Variants in MCUB observed in about 807,000 individuals in gnomAD.
MCUB encodes the protein calcium uniporter regulatory subunit MCUb, mitochondrial.
In MCUB, 46 loss-of-function variants were observed where a neutral mutation model predicts 41.4. The observed-to-expected ratio is 1.11, with a 90% CI of 0.88 to 1.42. MCUB has a LOEUF of 1.42. Ranked by LOEUF, MCUB falls within the 40% of genes most tolerant of loss-of-function variation. The probability of loss-of-function intolerance (pLI) is 0.00; values close to 1 mark genes in which losing one functional copy is unlikely to be tolerated. For synonymous variants in MCUB, 148 were observed against 148.2 expected (o/e 1.00, Z 0.01); for missense variants, 403 against 404.9 (o/e 1.00, Z 0.04).
In MCUB at chr4:109,603,305, C is replaced by T. The variant is rs187323318; in HGVS notation, c.99+42869C>T. On this transcript the variant is annotated intron_variant, in intron 1 of 7. Coordinates refer to ENST00000394650, the MANE Select transcript of MCUB (RefSeq NM_017918.5). Reference sequence around the variant, plus strand: ...GGAGATGGGGTTTCGCTGTGTTGGCCGGGCTGGTCTCCGGCTCCTGACCTT... The same window carrying T: ...GGAGATGGGGTTTCGCTGTGTTGGCTGGGCTGGTCTCCGGCTCCTGACCTT... Among the ~76,000 whole-genome samples, 879 of 152,306 alleles carry T rather than the reference C, an allele frequency of 5.8e-3. 10 individuals are homozygous for T. Among genetic ancestry groups the T allele is most frequent in the African/African-American group, 0.02 (837 of 41,570 alleles).
chr4:109,639,488 G>A (rs1728669158), intron 1 of MCUB, among the ~76,000 whole-genome samples: 1 of 152,172 alleles, frequency 6.6e-6, no homozygotes, highest in East Asian at 1.9e-4. Flanking sequence ...AGGAGTCTGA[G>A]ACTAGCCTGG....
chr4:109,657,619 T>C (rs1729134450), intron 1 of MCUB, among the ~76,000 whole-genome samples: 1 of 152,262 alleles, frequency 6.6e-6, no homozygotes, highest in Admixed American at 6.5e-5. Flanking sequence ...ACTTTGGTAC[T>C]AATTTCTCTG....
chr4:109,606,868 T>C (rs1727883942), intron 1 of MCUB, among the ~76,000 whole-genome samples: 3 of 151,928 alleles, frequency 2.0e-5, no homozygotes, highest in African/African-American at 7.3e-5. Context: ...TGCCTCAGCC[T>C]CCTGAGTAGC....
At chr4:109,650,589 C>T (rs1167943832) in intron 1 of MCUB, among the ~76,000 whole-genome samples, 2 of 152,150 alleles carry the variant, frequency 1.3e-5, no homozygotes, top group African/African-American at 4.8e-5. Context: ...TGTTTCTGAA[C>T]TATTTGAGAA....
rs528351941 is a variant in MCUB at position 109,681,324 on chromosome 4, A to G, written c.452-1258A>G. On this transcript the variant is annotated intron_variant, in intron 4 of 7. Coordinates refer to ENST00000394650, the MANE Select transcript of MCUB (RefSeq NM_017918.5). ...TTGTGGAAAAGCAAATAAGTTGGTT[A>G]AAGGTAGTCAAAAGCTACTAAAGTT... 1.7e-4 allele frequency: 51 copies of G among 300,908 alleles called. 1 individual carries two copies. Among genetic ancestry groups the G allele is most frequent in the South Asian group, 1.3e-3 (50 of 38,300 alleles). The allele number at this position is 300,908 out of a possible 1,614,324, so 18.6% of individuals were successfully genotyped here. A position where few individuals can be genotyped will look rare whatever the true frequency, so the allele number is the denominator to read the frequency against.
At chr4:109,686,897 A>G (rs907803136) in intron 7 of MCUB, among the ~76,000 whole-genome samples, 4 of 152,060 alleles carry the variant, frequency 2.6e-5, no homozygotes, top group African/African-American at 9.7e-5. Context: ...AAATTTAAAT[A>G]TAACACCTTG....
At chr4:109,630,792 G>A (rs1004393269) in intron 1 of MCUB, among the ~76,000 whole-genome samples, 7 of 152,066 alleles carry the variant, frequency 4.6e-5, no homozygotes, top group Non-Finnish European at 1.0e-4. Context: ...TGTTGGTCAG[G>A]CTGGCCTTGA....
intron 1 of MCUB, among the ~76,000 whole-genome samples, chr4:109,598,342 C>T (rs1007061013): frequency 9.2e-5 from 14 of 152,138 alleles, no homozygotes; most frequent in Non-Finnish European, 1.9e-4. Context: ...TCTGCAATCC[C>T]GGCACCTTGG....
intron 1 of MCUB, among the ~76,000 whole-genome samples, chr4:109,631,405 G>A (rs1211195945): frequency 6.6e-6 from 1 of 152,106 alleles, no homozygotes; most frequent in Non-Finnish European, 1.5e-5. Context: ...AGATAGGAAT[G>A]TGAAACTCCT....
rs1455304423 is a variant in MCUB at position 109,684,586 on chromosome 4, A to G, written c.756A>G (p.Thr252=). Residue 252 remains threonine (T), a synonymous_variant, in exon 6 of 8, where the codon ACA becomes ACG. Transcript: ENST00000394650. Reference sequence around the variant, plus strand: ...CCTGGGATATCATGGAGCCAGTTACATACTTCATCACATTTGCAAATTCTA... The same window carrying G: ...CCTGGGATATCATGGAGCCAGTTACGTACTTCATCACATTTGCAAATTCTA... ...VYSWDIMEPV[T]YFITFANSMV... 2 of 1,604,718 alleles carry G rather than the reference A, an allele frequency of 1.2e-6. No individual in the cohort carries two copies. Among genetic ancestry groups the G allele is most frequent in the Non-Finnish European group, 8.5e-7 (1 of 1,171,528 alleles).
chr4:109,629,645 A>C (rs1371269591), intron 1 of MCUB, among the ~76,000 whole-genome samples: 1 of 152,184 alleles, frequency 6.6e-6, no homozygotes, highest in Non-Finnish European at 1.5e-5. Context: ...CAGAAAACTC[A>C]AGGAAACACA....
At chr4:109,685,022 T>C (rs1332395358) in intron 6 of MCUB, 1 of 411,980 alleles carries the variant, frequency 2.4e-6, no homozygotes, top group African/African-American at 2.0e-5. Flanking sequence ...TCTTTCCCAT[T>C]ATGTGTAATT....
intron 1 of MCUB, among the ~76,000 whole-genome samples, chr4:109,621,043 T>G (rs574180706): frequency 6.6e-6 from 1 of 152,048 alleles, no homozygotes; most frequent in South Asian, 2.1e-4. Flanking sequence ...GGATTATAGG[T>G]GCATGCCACC....
chr4:109,644,293 C>G (rs538041038), intron 1 of MCUB, among the ~76,000 whole-genome samples: 2 of 152,086 alleles, frequency 1.3e-5, no homozygotes, highest in African/African-American at 4.8e-5. Context: ...ATAAGTCATT[C>G]TGAAAAACTT....
chr4:109,576,195 C>T (rs1272426765), intron 1 of MCUB, among the ~76,000 whole-genome samples: 1 of 152,204 alleles, frequency 6.6e-6, no homozygotes, highest in Non-Finnish European at 1.5e-5. Flanking sequence ...CTCAATATAA[C>T]ACTCCAGTTC....
intron 1 of MCUB, among the ~76,000 whole-genome samples, chr4:109,625,913 T>C (rs1728350324): frequency 6.6e-6 from 1 of 152,202 alleles, no homozygotes; most frequent in East Asian, 1.9e-4. Context: ...AAATTTTTGT[T>C]TAGGTTGTTG....
At chr4:109,573,370 G>T (rs145472547) in intron 1 of MCUB, among the ~76,000 whole-genome samples, 1 of 151,408 alleles carries the variant, frequency 6.6e-6, no homozygotes, top group Non-Finnish European at 1.5e-5. Context: ...GCAGAACCGC[G>T]TAAACCTGGG....
At chr4:109,628,823 G>A (rs1314694209) in intron 1 of MCUB, among the ~76,000 whole-genome samples, 1 of 152,220 alleles carries the variant, frequency 6.6e-6, no homozygotes, top group Non-Finnish European at 1.5e-5. Context: ...CGCAGGCCCT[G>A]CAGATAGAGC....
At chr4:109,641,384 G>T (rs1243267231) in intron 1 of MCUB, among the ~76,000 whole-genome samples, 1 of 151,684 alleles carries the variant, frequency 6.6e-6, no homozygotes, top group South Asian at 2.1e-4. Context: ...GATTACAGGC[G>T]TGAGTCACCG....
Sources: gnomAD v4.1 joint callset for allele counts (sites outside exome capture counted in the v4.1 genomes callset) on GRCh38, gnomAD v4.1.1 for gene constraint, MANE v1.5 for transcripts, NCBI Gene and HGNC (gene_info 2026-07-23, HGNC 2026-07-21) for gene names.